TRIM40: variants seen among roughly 807,000 people sequenced by gnomAD.
The protein encoded by TRIM40 is E3 ubiquitin ligase TRIM40.
In TRIM40, 27 loss-of-function variants were observed where a neutral mutation model predicts 26.1. The ratio of observed to expected loss-of-function variants is 1.04; its 90% confidence interval spans 0.76 to 1.43. The LOEUF is 1.43. Among genes scored for constraint, TRIM40 ranks in the 40% most tolerant of loss-of-function variants. The pLI, the probability that TRIM40 is intolerant of heterozygous loss-of-function variation, is 0.00. For synonymous variants in TRIM40, 114 were observed against 120.0 expected (o/e 0.95, Z 0.33); for missense variants, 289 against 307.9 (o/e 0.94, Z 0.46).
At chr6:30,146,404 T>TTTTTA (rs1236757364) in intron 3 of TRIM40, among the ~76,000 whole-genome samples, 1 of 151,844 alleles carries the variant, frequency 6.6e-6, no homozygotes, top group Non-Finnish European at 1.5e-5. Flanking sequence ...CCTCTGTTTC[T>TTTTTA]TTTTATTTTA....
chr6:30,137,509 A>G, intron 2 of TRIM40, 128 bp downstream of exon 2: 1 of 833,654 alleles, frequency 1.2e-6, no homozygotes, highest in Non-Finnish European at 1.9e-6. Context: ...CTTCTGCTTC[A>G]TCCTGTTTTG....
intron 2 of TRIM40, among the ~76,000 whole-genome samples, chr6:30,139,257 C>T (rs1453880190): frequency 2.6e-5 from 4 of 151,800 alleles, no homozygotes; most frequent in Non-Finnish European, 5.9e-5. Context: ...TCAATGAAGA[C>T]AGATGCCATT....
intron 2 of TRIM40, among the ~76,000 whole-genome samples, chr6:30,145,456 T>A (rs1358099005): frequency 1.3e-5 from 2 of 152,146 alleles, no homozygotes; most frequent in Non-Finnish European, 2.9e-5. Context: ...CTCCATAGCT[T>A]CAAGGACACA....
chr6:30,144,314 C>G (rs1429872894), intron 2 of TRIM40, among the ~76,000 whole-genome samples: 2 of 151,996 alleles, frequency 1.3e-5, no homozygotes, highest in Non-Finnish European at 2.9e-5. Context: ...ACATGAAGGT[C>G]AAGAGGAGTG....
intron 2 of TRIM40, among the ~76,000 whole-genome samples, chr6:30,143,766 T>C (rs531892892): frequency 6.0e-4 from 91 of 152,322 alleles, no homozygotes; most frequent in Non-Finnish European, 8.8e-4. Flanking sequence ...CAAAAATTGG[T>C]GAAAAAGTAC....
intron 2 of TRIM40, among the ~76,000 whole-genome samples, chr6:30,139,516 T>C (rs1252023018): frequency 1.3e-5 from 2 of 152,094 alleles, no homozygotes; most frequent in Non-Finnish European, 2.9e-5. Flanking sequence ...CTAATTTTTG[T>C]ATTTTTAGTA....
chr6:30,139,303 C>A (rs937786813), intron 2 of TRIM40, among the ~76,000 whole-genome samples: 1 of 149,898 alleles, frequency 6.7e-6, no homozygotes, highest in African/African-American at 2.5e-5. Flanking sequence ...GTAAGGGAGA[C>A]ACAAATAAGT....
chr6:30,147,444 A>G, intron 4 of TRIM40, 76 bp from the exon 5 acceptor site: 3 of 1,608,658 alleles, frequency 1.9e-6, no homozygotes, highest in Non-Finnish European at 1.7e-6. Flanking sequence ...GGCCTCCAAG[A>G]GTGAATTGGG....
chr6:30,146,210 T>TGAAAACCCGGGTGTTGGCC (rs1771637461), intron 3 of TRIM40, 121 bp downstream of exon 3: 1 of 830,686 alleles, frequency 1.2e-6, no homozygotes, highest in African/African-American at 1.7e-5. Flanking sequence ...TCGTGGAGGC[T>TGAAAACCCGGGTGTTGGCC]GAAAACCCGG....
chr6:30,137,414 T>C, intron 2 of TRIM40, 33 bp downstream of exon 2: 1 of 1,584,294 alleles, frequency 6.3e-7, no homozygotes, highest in South Asian at 1.1e-5. Flanking sequence ...AGGCCCTGCC[T>C]CCACCTCGCT....
At chr6:30,138,425 G>A (rs2857438) in intron 2 of TRIM40, among the ~76,000 whole-genome samples, 31,283 of 152,076 alleles carry the variant, frequency 0.21, 3,542 homozygotes, top group East Asian at 0.27. Context: ...ATCACCATTT[G>A]TTGAATGATT....
In TRIM40 at chr6:30,145,986, C is replaced by G. The variant is rs780428087; in HGVS notation, c.346-8C>G. The G allele has an allele frequency of 6.2e-7, 1 of 1,612,634 alleles. No individual in the cohort carries two copies. The highest frequency in any genetic ancestry group is 1.1e-5 in the South Asian group (1 of 91,038). On this transcript the variant is annotated splice_polypyrimidine_tract_variant and splice_region_variant and intron_variant, in intron 2 of 5. Transcript: ENST00000396581. ...CAGTCTGACAAGCAGGTGTGTCTGT[C>G]TCTTTAGGAACGACTCAATCGCCGG...
intron 2 of TRIM40, among the ~76,000 whole-genome samples, chr6:30,138,625 C>A (rs913880941): frequency 1.3e-5 from 2 of 152,166 alleles, no homozygotes; most frequent in African/African-American, 4.8e-5. Flanking sequence ...CCTCACAATA[C>A]TCTTATTTTT....
Position 30,147,778 on chromosome 6 carries a change from G to A in TRIM40, c.743G>A (p.Ser248Asn), listed in dbSNP as rs143945814. 9 of 1,614,112 alleles carry A rather than the reference G, an allele frequency of 5.6e-6. No individual in the cohort carries two copies. In the African/African-American group the frequency reaches 6.7e-5, roughly 12 times the overall value. Reference protein sequence around the residue: ...VIYPQLEKGVSELLLQPPQKL With the variant: ...VIYPQLEKGVNELLLQPPQKL ...TATCCCCAGTTGGAGAAAGGAGTCA[G>A]TGAATTGCTTCTTCAGCCCCCTCAG... Residue 248 changes from serine to asparagine, a missense_variant, in exon 6 of 6, where the codon AGT (serine) becomes AAT (asparagine). Transcript: ENST00000396581.
At chr6:30,142,518 T>G (rs1346437371) in intron 2 of TRIM40, among the ~76,000 whole-genome samples, 1 of 152,142 alleles carries the variant, frequency 6.6e-6, no homozygotes, top group African/African-American at 2.4e-5. Flanking sequence ...TAACCTACAT[T>G]TTTTTATTCT....
At chr6:30,142,072 A>G (rs566630408) in intron 2 of TRIM40, among the ~76,000 whole-genome samples, 34 of 151,868 alleles carry the variant, frequency 2.2e-4, no homozygotes, top group African/African-American at 6.7e-4. Flanking sequence ...ACTCATGGAT[A>G]TTGACAGCGT....
chr6:30,144,104 G>A (rs1392218179), intron 2 of TRIM40, among the ~76,000 whole-genome samples: 1 of 142,764 alleles, frequency 7.0e-6, no homozygotes, highest in Non-Finnish European at 1.6e-5. Context: ...CTGGTGAAGA[G>A]AGTTCAGTGA....
chr6:30,148,018 A>G lies in TRIM40; in HGVS notation c.*206A>G, dbSNP rs1771778876. The G allele has an allele frequency of 3.3e-6, 2 of 599,956 alleles. No individual in the cohort carries two copies. Among genetic ancestry groups the G allele is most frequent in the African/African-American group, 1.9e-5 (1 of 53,904 alleles). The allele number at this position is 599,956 out of a possible 1,614,324, so 37.2% of individuals were successfully genotyped here. ...GGACGATAGCCAGCCTCCTTCCAGG[A>G]CAGGCTCATGCTTGGGGCTGCCACT... On this transcript the variant is annotated 3_prime_UTR_variant, in exon 6 of 6. Coordinates refer to ENST00000396581, the MANE Select transcript of TRIM40 (RefSeq NM_001286633.2).
intron 4 of TRIM40, among the ~76,000 whole-genome samples, 153 bp downstream of exon 4, chr6:30,147,362 T>C (rs1019101045): frequency 6.6e-6 from 1 of 152,222 alleles, no homozygotes; most frequent in Non-Finnish European, 1.5e-5. Context: ...TACAGAGTGC[T>C]GCTGCAGCAG....
Sources: allele counts gnomAD v4.1 joint callset (sites outside exome capture counted in the v4.1 genomes callset), GRCh38; gene constraint gnomAD v4.1.1; transcripts MANE v1.5; gene names NCBI Gene and HGNC (gene_info 2026-07-23, HGNC 2026-07-21).